GPHN: variants seen among roughly 807,000 people sequenced by gnomAD.
GPHN encodes the protein gephyrin.
A neutral mutation model predicts 95.5 loss-of-function variants in GPHN; 17 were observed. The ratio of observed to expected loss-of-function variants is 0.18; its 90% confidence interval spans 0.12 to 0.27. The LOEUF is 0.27. GPHN is among the 10% of genes least tolerant of loss of function. GPHN has a pLI of 1.00. For synonymous variants in GPHN, 320 were observed against 322.5 expected, an observed-to-expected ratio of 0.99 and a Z score of 0.08; for missense variants, 660 against 978.1, an observed-to-expected ratio of 0.67 and a Z score of 4.34.
At chr14:66,626,270 A>G (rs1235447935) in intron 1 of GPHN, among the ~76,000 whole-genome samples, 1 of 152,200 alleles carries the variant, frequency 6.6e-6, no homozygotes, top group Non-Finnish European at 1.5e-5. Flanking sequence ...AAATGCAGAT[A>G]TAAGTGCATA....
chr14:66,997,260 G>A (rs915328058), intron 9 of GPHN, among the ~76,000 whole-genome samples: 2 of 151,508 alleles, frequency 1.3e-5, no homozygotes, highest in South Asian at 2.1e-4. Flanking sequence ...CCAGCTACTC[G>A]AGAGGCTGAG....
At chr14:67,267,487 G>A in the GPHN span, among the ~76,000 whole-genome samples, 2 of 152,084 alleles carry the variant, frequency 1.3e-5, no homozygotes, top group African/African-American at 4.8e-5. Context: ...CTGATCTCGG[G>A]TGATTCACCC....
At chr14:67,494,154 G>A in the GPHN span, among the ~76,000 whole-genome samples, 1 of 152,086 alleles carries the variant, frequency 6.6e-6, no homozygotes, top group African/African-American at 2.4e-5. Flanking sequence ...ACCCAGTCTT[G>A]CTAATGCTTA....
At chr14:66,882,698 G>C (rs751733443) in intron 5 of GPHN, among the ~76,000 whole-genome samples, 1 of 151,570 alleles carries the variant, frequency 6.6e-6, no homozygotes, top group African/African-American at 2.4e-5. Context: ...TGATGACCAT[G>C]GTTGTTTCGT....
chr14:67,425,403 T>C, the GPHN span, among the ~76,000 whole-genome samples: 2 of 151,918 alleles, frequency 1.3e-5, no homozygotes, highest in Non-Finnish European at 2.9e-5. Context: ...ATTAGCCCGG[T>C]GTGGTGGCAC....
At chr14:66,678,645 T>G (rs1456818596) in intron 1 of GPHN, among the ~76,000 whole-genome samples, 1 of 131,464 alleles carries the variant, frequency 7.6e-6, no homozygotes, top group African/African-American at 4.0e-5. Flanking sequence ...TATTTCCTTT[T>G]TCATGTGTCT....
the GPHN span, among the ~76,000 whole-genome samples, chr14:67,547,342 T>C: frequency 8.5e-5 from 13 of 152,210 alleles, no homozygotes; most frequent in African/African-American, 2.4e-5. Context: ...ATGTCAGGAT[T>C]GTGTCTGTCC....
intron 3 of GPHN, among the ~76,000 whole-genome samples, chr14:66,812,949 G>A (rs2060819621): frequency 6.6e-6 from 1 of 152,152 alleles, no homozygotes. Context: ...CTGCACTGAA[G>A]ATAATTATTT....
At chr14:67,084,327 C>A (rs2076804558) in intron 11 of GPHN, among the ~76,000 whole-genome samples, 1 of 152,094 alleles carries the variant, frequency 6.6e-6, no homozygotes, top group East Asian at 1.9e-4. Context: ...TTATTGGATT[C>A]CCATTTTTAC....
intron 2 of GPHN, among the ~76,000 whole-genome samples, chr14:66,738,918 A>G (rs960759004): frequency 1.2e-4 from 18 of 152,130 alleles, no homozygotes; most frequent in Admixed American, 9.8e-4. Flanking sequence ...TCATTAATCA[A>G]CTATTATTAT....
intron 3 of GPHN, among the ~76,000 whole-genome samples, chr14:66,808,400 C>CT (rs1347312392): frequency 6.6e-6 from 1 of 152,136 alleles, no homozygotes; most frequent in Admixed American, 6.5e-5. Flanking sequence ...GCTTGTCAAT[C>CT]TTTCAGTTAT....
the GPHN span, among the ~76,000 whole-genome samples, chr14:67,258,983 C>T: frequency 4.6e-5 from 7 of 152,052 alleles, no homozygotes; most frequent in East Asian, 1.4e-3. Flanking sequence ...GCTGGGACTA[C>T]AGGCGCGTGC....
intron 10 of GPHN, among the ~76,000 whole-genome samples, chr14:67,040,075 C>T (rs1244695618): frequency 6.6e-6 from 1 of 151,892 alleles, no homozygotes; most frequent in Non-Finnish European, 1.5e-5. Flanking sequence ...ATTAGAAGTC[C>T]TAAAAATTGA....
chr14:67,616,480 CAA>C, the GPHN span: 3,193 of 147,988 alleles, frequency 0.022, 87 homozygotes, highest in East Asian at 0.087. Context: ...TCTGTAATTG[CAA>C]AAAAAAAAAA....
chr14:67,150,054 A>G (rs1426578533), intron 18 of GPHN, among the ~76,000 whole-genome samples: 1 of 152,242 alleles, frequency 6.6e-6, no homozygotes, highest in Non-Finnish European at 1.5e-5. Context: ...ATGATTTATT[A>G]ATCAATTCAG....
chr14:66,564,255 T>C (rs931391062), intron 1 of GPHN, among the ~76,000 whole-genome samples: 2 of 152,144 alleles, frequency 1.3e-5, no homozygotes, highest in African/African-American at 2.4e-5. Flanking sequence ...TGTAACTTTT[T>C]ATATTTCTAA....
At chr14:67,273,033 G>A in the GPHN span, among the ~76,000 whole-genome samples, 7 of 151,242 alleles carry the variant, frequency 4.6e-5, no homozygotes, top group Non-Finnish European at 2.9e-5. Flanking sequence ...GTTGAGGACC[G>A]CATTTCTAAT....
At chr14:66,739,276 G>A (rs1033194563) in intron 2 of GPHN, among the ~76,000 whole-genome samples, 2 of 150,160 alleles carry the variant, frequency 1.3e-5, no homozygotes, top group African/African-American at 4.9e-5. Context: ...GAGTGCAGTG[G>A]CACAATCTCG....
chr14:66,638,758 A>G (rs2064239442), intron 1 of GPHN, among the ~76,000 whole-genome samples: 1 of 151,846 alleles, frequency 6.6e-6, no homozygotes, highest in Admixed American at 6.6e-5. Context: ...TGAAAAAGTT[A>G]TGAAAATTGA....
Sources: gnomAD v4.1 joint callset for allele counts (sites outside exome capture counted in the v4.1 genomes callset) on GRCh38, gnomAD v4.1.1 for gene constraint, MANE v1.5 for transcripts, NCBI Gene and HGNC (gene_info 2026-07-23, HGNC 2026-07-21) for gene names.